PLCG1: variants seen among roughly 807,000 people sequenced by gnomAD.
PLCG1 encodes phospholipase C gamma 1.
PLCG1 carries 71 observed loss-of-function variants against 177.8 expected under a neutral mutation model. The observed-to-expected ratio is 0.40, with a 90% confidence interval of 0.33 to 0.49. The LOEUF (loss-of-function observed/expected upper bound fraction) is 0.49, where lower values mean the gene tolerates loss of function less well. PLCG1 is among the 20% of genes least tolerant of loss of function. PLCG1 has a pLI of 0.72. For synonymous variants in PLCG1, 658 were observed against 647.9 expected (o/e 1.02, Z -0.24); for missense variants, 1,281 against 1,709.0 (o/e 0.75, Z 4.42).
rs1010309087 is a variant in PLCG1, at chr20:41,173,013, T to G, written c.3279+136T>G. On this transcript the variant is annotated intron_variant, in intron 27 of 31. Transcript: ENST00000685551. The surrounding 1 kb of genome is among the most constrained non-coding windows in gnomAD (Gnocchi z 6.2). ...GGTGGGTGGGGCCTGAGCTGAGTCTTTGAAGGGGTGAAGATAGCATGCAGT... is the reference window on the plus strand; with the variant it reads ...GGTGGGTGGGGCCTGAGCTGAGTCTGTGAAGGGGTGAAGATAGCATGCAGT... 9.7e-6 allele frequency: 8 copies of G among 823,230 alleles called. No homozygotes were observed. The Admixed American group carries it at 1.8e-4, about 18-fold the overall frequency. 51.0% of individuals were successfully genotyped at this position (823,230 alleles called of 1,614,324 possible).
At chr20:41,162,757 T>C in intron 6 of PLCG1, 32 bp downstream of exon 6, 1 of 1,551,702 alleles carries the variant, frequency 6.4e-7, no homozygotes, top group Non-Finnish European at 8.8e-7. Flanking sequence ...CCTCAACCCC[T>C]GCCCCTGCTC....
chr20:41,140,213 A>G (rs151035014), intron 1 of PLCG1, among the ~76,000 whole-genome samples: 267 of 152,126 alleles, frequency 1.8e-3, no homozygotes, highest in African/African-American at 6.1e-3. Flanking sequence ...TGGCTTTTGG[A>G]TTTTGGGGGC....
In PLCG1 at chr20:41,157,903, G is replaced by A. The variant is rs777419954; in HGVS notation, c.218-1703G>A. Among the ~76,000 whole-genome samples the A allele has an allele frequency of 2.2e-4, 34 of 152,322 alleles. 1 individual carries two copies. Among genetic ancestry groups the A allele is most frequent in the South Asian group, 1.0e-3 (5 of 4,826 alleles). On this transcript the variant is annotated intron_variant, in intron 1 of 31. Coordinates refer to ENST00000685551, the MANE Select transcript of PLCG1 (RefSeq NM_002660.3). This position sits in a 1 kb window ranked among gnomAD's most constrained non-coding sequence, Gnocchi z 5.4. ...GTTCTCCTTAGACTGGCAGTGGGCA[G>A]CCTCGGGAGGGGCTTGAATGAGGTC...
Position 41,163,660 on chromosome 20 carries a change from G to T in PLCG1, c.892-55G>T. 1 of 1,277,220 alleles carries T rather than the reference G, an allele frequency of 7.8e-7. No homozygotes were observed. 79.1% of individuals were successfully genotyped at this position (1,277,220 alleles called of 1,614,324 possible). On this transcript the variant is annotated intron_variant, in intron 9 of 31. Transcript: ENST00000685551. This position sits in a 1 kb window ranked among gnomAD's most constrained non-coding sequence, Gnocchi z 5.2. ...TCTCCTACCCCCAACCTACCATCTT[G>T]GGTTGGACAGGGCAGGGACTCACTG...
Position 41,159,787 on chromosome 20 carries a change from A to G in PLCG1, c.370+29A>G. On this transcript the variant is annotated intron_variant, in intron 2 of 31. Transcript: ENST00000685551. This position sits in a 1 kb window ranked among gnomAD's most constrained non-coding sequence, Gnocchi z 6.0. ...GGAGTTAAGGGGGTAGAGGAGGTAG[A>G]GGATAGTTAGGGGAATGCCTGCTGG... is the stretch of plus-strand genomic sequence containing the variant. 3 of 1,614,042 alleles carry G rather than the reference A, an allele frequency of 1.9e-6. No homozygotes were observed. Among genetic ancestry groups the G allele is most frequent in the South Asian group, 1.1e-5 (1 of 91,076 alleles).
At chr20:41,168,063 G>T in intron 20 of PLCG1, 134 bp downstream of exon 20, 1 of 689,594 alleles carries the variant, frequency 1.5e-6, no homozygotes, top group East Asian at 2.7e-5. Flanking sequence ...CCAAGAGGTT[G>T]TGAGAGATGT....
intron 1 of PLCG1, among the ~76,000 whole-genome samples, chr20:41,158,623 A>G (rs2035396576): frequency 6.6e-6 from 1 of 152,148 alleles, no homozygotes; most frequent in Non-Finnish European, 1.5e-5. Flanking sequence ...TGATCTTACC[A>G]ACATCTTTCT....
In PLCG1 at chr20:41,163,779, C is replaced by T. The variant is rs150381500; in HGVS notation, c.956C>T (p.Pro319Leu). The change falls in exon 10 of 32, where the codon CCG becomes CTG. Residue 319 changes from proline to leucine, a missense_variant. Physicochemically the swap from Pro to Leu is moderately conservative, Grantham distance 98. Coordinates refer to ENST00000685551, the MANE Select transcript of PLCG1 (RefSeq NM_002660.3). This position sits in a 1 kb window ranked among gnomAD's most constrained non-coding sequence, Gnocchi z 5.2. ...VWNSQLDAVC[P>L]DTMNNPLSHY... ...AACTCGCAGCTGGATGCAGTATGCCCGGACACCATGAACAACCCTCTTTCC... is the reference window on the plus strand; with the variant it reads ...AACTCGCAGCTGGATGCAGTATGCCTGGACACCATGAACAACCCTCTTTCC... 402 of 1,613,150 alleles carry T rather than the reference C, an allele frequency of 2.5e-4. 3 individuals carry two copies. The Middle Eastern group carries it at 7.6e-3, about 30-fold the overall frequency.
At chr20:41,161,542 A>G (rs1461054815) in intron 4 of PLCG1, among the ~76,000 whole-genome samples, 2 of 152,170 alleles carry the variant, frequency 1.3e-5, no homozygotes, top group African/African-American at 2.4e-5. Flanking sequence ...CTGGAAAACA[A>G]GGACCCTGAT....
Position 41,166,629 on chromosome 20 carries a change from C to CTT in PLCG1, c.2120+35_2120+36dup, listed in dbSNP as rs776848536. The CTT allele has an allele frequency of 4.6e-5, 75 of 1,614,006 alleles. No individual in the cohort carries two copies. In the African/African-American group the frequency reaches 7.9e-4, roughly 17 times the overall value. On this transcript the variant is annotated intron_variant, in intron 18 of 31. Transcript: ENST00000685551. This position sits in a 1 kb window ranked among gnomAD's most constrained non-coding sequence, Gnocchi z 8.6. Reference sequence around the variant, plus strand: ...TGTGGCACTGGGTTGTGGGGCCTTGCTTGGGTCTGAGCTGCCCTGACCCTG... The same window carrying CTT: ...TGTGGCACTGGGTTGTGGGGCCTTGCTTTTGGGTCTGAGCTGCCCTGACCCTG...
Position 41,166,870 on chromosome 20 carries a change from T to A in PLCG1, c.2301+11T>A. The A allele has an allele frequency of 6.2e-7, 1 of 1,612,618 alleles. No individual in the cohort carries two copies. Among genetic ancestry groups the A allele is most frequent in the Non-Finnish European group, 8.5e-7 (1 of 1,178,814 alleles). On this transcript the variant is annotated intron_variant, in intron 19 of 31. Transcript: ENST00000685551. This position sits in a 1 kb window ranked among gnomAD's most constrained non-coding sequence, Gnocchi z 8.6. ...AAGATTGGCACAGCTGTGAGGGGGC[T>A]GTGGTAGACGGGGCATGGCAGGGGA...
Position 41,172,471 on chromosome 20 carries a change from A to G in PLCG1, c.2956A>G (p.Thr986Ala). The change falls in exon 26 of 32, where the codon ACC becomes GCC. Residue 986 changes from threonine (T) to alanine (A), a missense_variant. By Grantham distance (58) the Thr-to-Ala change is moderately conservative (BLOSUM62 0). Transcript: ENST00000685551. This position sits in a 1 kb window ranked among gnomAD's most constrained non-coding sequence, Gnocchi z 7.0. Reference sequence around the variant, plus strand: ...CCGGGACATGTCATCCTTCCCGGAAACCAAGGCTGAGAAATACGTGAACAA... The same window carrying G: ...CCGGGACATGTCATCCTTCCCGGAAGCCAAGGCTGAGAAATACGTGAACAA... ...CYRDMSSFPE[T>A]KAEKYVNKAK... 2 of 1,614,228 alleles carry G rather than the reference A, an allele frequency of 1.2e-6. No individual in the cohort carries two copies. The highest frequency in any genetic ancestry group is 8.5e-7 in the Non-Finnish European group (1 of 1,180,032).
At position 41,140,319 on chromosome 20, in the gene PLCG1, A is replaced by G. The variant is rs375750460; in HGVS notation, c.217+2461A>G. Among the ~76,000 whole-genome samples, 77 of 152,240 alleles carry G rather than the reference A, an allele frequency of 5.1e-4. 1 individual carries two copies. Among genetic ancestry groups the G allele is most frequent in the East Asian group, 4.8e-3 (25 of 5,188 alleles). On this transcript the variant is annotated intron_variant, in intron 1 of 31. Transcript: ENST00000685551. The stretch of plus-strand genomic sequence containing the variant: ...TCCACTGAAGCCGTGCCCTGCTTCT[A>G]CCCATTCGTGGGCTCTCCTTGTTGG...
In PLCG1 at chr20:41,149,299, T is replaced by G. The variant is rs908081720; in HGVS notation, c.218-10307T>G. The stretch of plus-strand genomic sequence containing the variant: ...GTACTTGTATTCCAAGTATCTAGTT[T>G]AATGTCTCTCATGTAGGTGCTCAGA... On this transcript the variant is annotated intron_variant, in intron 1 of 31. Coordinates refer to ENST00000685551, the MANE Select transcript of PLCG1 (RefSeq NM_002660.3). Among the ~76,000 whole-genome samples the G allele has an allele frequency of 2.0e-5, 3 of 152,220 alleles. 1 individual carries two copies. The highest frequency in any genetic ancestry group is 4.4e-5 in the Non-Finnish European group (3 of 68,044).
rs1403247827 is a variant in PLCG1, at chr20:41,150,375, A to C, written c.218-9231A>C. Among the ~76,000 whole-genome samples the C allele has an allele frequency of 6.6e-6, 1 of 152,098 alleles. No individual in the cohort carries two copies. The highest frequency in any genetic ancestry group is 6.5e-5 in the Admixed American group (1 of 15,276). ...GTTCTCCAAGTAGCCTGAGTGTACT[A>C]TGTGGGGGAGCATTTTATGAGGGAC... On this transcript the variant is annotated intron_variant, in intron 1 of 31. Coordinates refer to ENST00000685551, the MANE Select transcript of PLCG1 (RefSeq NM_002660.3). This position sits in a 1 kb window ranked among gnomAD's most constrained non-coding sequence, Gnocchi z 4.0.
At position 41,176,392 on chromosome 20, in the gene PLCG1, A is replaced by C. The variant is rs993191849; in HGVS notation, c.*1883A>C. On this transcript the variant is annotated 3_prime_UTR_variant, in exon 32 of 32. Transcript: ENST00000685551. ...TGGGTGGGAATTCACCTGGGCCCTC[A>C]TGATCCATGTTTCCTCTCTAGGTTT... 6.6e-6 allele frequency: 1 copy of C among 152,186 alleles called. No homozygotes were observed. Among genetic ancestry groups the C allele is most frequent in the Non-Finnish European group, 1.5e-5 (1 of 68,056 alleles). 9.4% of individuals were successfully genotyped at this position (152,186 alleles called of 1,614,324 possible).
At position 41,173,699 on chromosome 20, in the gene PLCG1, C is replaced by G. The variant is rs1346167097; in HGVS notation, c.3442C>G (p.Gln1148Glu). ...PVWPAKPFHF[Q>E]ISNPEFAFLR... ...ATGGCCAGCCAAGCCCTTCCACTTC[C>G]AGATCAGTAACCCTGAATTTGCCTT... Residue 1148 changes from glutamine (Q) to glutamate (E), a missense_variant, in exon 29 of 32, where the codon CAG (glutamine) becomes GAG (glutamate). By Grantham distance (29) the Gln-to-Glu change is conservative. Transcript: ENST00000685551. The surrounding 1 kb of genome is among the most constrained non-coding windows in gnomAD (Gnocchi z 6.2). The G allele has an allele frequency of 6.2e-7, 1 of 1,614,076 alleles. No homozygotes were observed. The highest frequency in any genetic ancestry group is 1.3e-5 in the African/African-American group (1 of 74,920).
rs768843392 is a variant in PLCG1 at position 41,163,158 on chromosome 20, GT to G, written c.717-43del. ...GGTTCTGCCTTCCGTGGGGCACCTT[GT>G]TGTCTGTTGACCATACTAGCTAGCT... On this transcript the variant is annotated intron_variant, in intron 7 of 31. Coordinates refer to ENST00000685551, the MANE Select transcript of PLCG1 (RefSeq NM_002660.3). The surrounding 1 kb of genome is among the most constrained non-coding windows in gnomAD (Gnocchi z 5.2). 6.5e-7 allele frequency: 1 copy of G among 1,546,432 alleles called. No homozygotes were observed. Among genetic ancestry groups the G allele is most frequent in the Non-Finnish European group, 8.8e-7 (1 of 1,140,314 alleles).
Position 41,173,424 on chromosome 20 carries a change from T to C in PLCG1, c.3284T>C (p.Leu1095Pro). The change falls in exon 28 of 32, where the codon CTG (leucine) becomes CCG (proline). Residue 1095 changes from leucine to proline, a missense_variant. By Grantham distance (98) the Leu-to-Pro change is moderately conservative (BLOSUM62 -3). Coordinates refer to ENST00000685551, the MANE Select transcript of PLCG1 (RefSeq NM_002660.3). The surrounding 1 kb of genome is among the most constrained non-coding windows in gnomAD (Gnocchi z 6.2). ...CCCTTCTTTGTCTGCCTACAGGTGC[T>C]GGGGGCCCGACATCTGCCAAAGAAT... ...LEPCAISIEV[L>P]GARHLPKNGR... 6.3e-7 allele frequency: 1 copy of C among 1,597,994 alleles called. No homozygotes were observed. The highest frequency in any genetic ancestry group is 8.5e-7 in the Non-Finnish European group (1 of 1,171,388).
Sources: allele counts gnomAD v4.1 joint callset (sites outside exome capture counted in the v4.1 genomes callset), GRCh38; gene constraint gnomAD v4.1.1; non-coding constraint Gnocchi (gnomAD v3.1); transcripts MANE v1.5; gene names NCBI Gene and HGNC (gene_info 2026-07-23, HGNC 2026-07-21).